The following CRAMP1 variants were observed in gnomAD, a reference collection of about 807,000 sequenced individuals.
The protein encoded by CRAMP1 is cramped chromatin regulator 1, also known as protein cramped-like.
Under a neutral mutation model 115.4 loss-of-function variants are expected in CRAMP1, and 50 were observed. The observed-to-expected ratio is 0.43, with a 90% CI of 0.35 to 0.55. The LOEUF is 0.55. CRAMP1 is among the 20% of genes least tolerant of loss of function. The probability of loss-of-function intolerance (pLI) is 0.01; values close to 1 mark genes in which losing one functional copy is unlikely to be tolerated. For missense variants in CRAMP1, 1,679 were observed against 1,721.7 expected, an observed-to-expected ratio of 0.98 and a Z score of 0.44; for synonymous variants, 866 against 745.4, an observed-to-expected ratio of 1.16 and a Z score of -2.64.
rs778428297 is a variant in CRAMP1 at position 1,656,553 on chromosome 16, T to C, written c.1796T>C (p.Val599Ala). 4 of 1,555,574 alleles carry C rather than the reference T, an allele frequency of 2.6e-6. No homozygotes were observed. In the South Asian group the frequency reaches 4.7e-5, roughly 18 times the overall value. ...PPLGGAASPEVLAPVSKEAAD... is the reference protein window; with the variant it reads ...PPLGGAASPEALAPVSKEAAD... ...CTGGGCGGGGCGGCCTCCCCAGAGG[T>C]GCTGGCTCCTGTCAGCAAGGAGGCT... The change falls in exon 10 of 21, where the codon GTG (valine) becomes GCG (alanine). Residue 599 changes from valine to alanine, a missense_variant. By Grantham distance (64) the Val-to-Ala change is moderately conservative. Coordinates refer to ENST00000397412, the MANE Select transcript of CRAMP1 (RefSeq NM_020825.4). The surrounding 1 kb of genome is among the most constrained non-coding windows in gnomAD (Gnocchi z 5.6).
At chr16:1,650,249 G>T (rs1247968322) in intron 6 of CRAMP1, among the ~76,000 whole-genome samples, 2 of 152,204 alleles carry the variant, frequency 1.3e-5, no homozygotes, top group South Asian at 4.1e-4. Flanking sequence ...GGAGATTGTG[G>T]TGTCACCCTT....
At position 1,659,981 on chromosome 16, in the gene CRAMP1, T is replaced by A; in HGVS notation, c.2331T>A (p.Ser777=). ...CAGGGAAGGTGGTGACCGTCAGCTC[T>A]CGCAGCCCCCGCTGCCCTCGGAACC... The part of the protein sequence containing the change: ...TPPGKVVTVS[S]RSPRCPRNQA... The change falls in exon 11 of 21, where the codon TCT becomes TCA. Residue 777 remains serine, a synonymous_variant. Transcript: ENST00000397412. The A allele has an allele frequency of 6.2e-7, 1 of 1,608,008 alleles. No individual in the cohort carries two copies.
chr16:1,666,331 G>T lies in CRAMP1; in HGVS notation c.2858-91G>T, dbSNP rs1406957168. On this transcript the variant is annotated intron_variant, in intron 15 of 20. Transcript: ENST00000397412. This position sits in a 1 kb window ranked among gnomAD's most constrained non-coding sequence, Gnocchi z 5.0. ...CCCTTGGCTCTTGCATTGACATGAG[G>T]TGCGAGGGAGAAGCTGTTCCCCGAG... is the stretch of plus-strand genomic sequence containing the variant. 1 of 1,300,120 alleles carries T rather than the reference G, an allele frequency of 7.7e-7. No individual in the cohort carries two copies. The highest frequency in any genetic ancestry group is 2.5e-5 in the East Asian group (1 of 39,768). The allele number at this position is 1,300,120 out of a possible 1,614,324, so 80.5% of individuals were successfully genotyped here. A position where few individuals can be genotyped will look rare whatever the true frequency, so the allele number is the denominator to read the frequency against.
At chr16:1,661,157 T>C (rs2036825951) in intron 11 of CRAMP1, among the ~76,000 whole-genome samples, 1 of 151,970 alleles carries the variant, frequency 6.6e-6, no homozygotes. Flanking sequence ...CTCTACAAAA[T>C]ATAAAAATAA....
At chr16:1,650,125 A>G (rs2036710779) in intron 6 of CRAMP1, among the ~76,000 whole-genome samples, 1 of 152,124 alleles carries the variant, frequency 6.6e-6, no homozygotes, top group South Asian at 2.1e-4. Context: ...TTAAAGCCTT[A>G]GGTTTTTGGG....
rs564773393 is a variant in CRAMP1 at position 1,670,652 on chromosome 16, T to G, written c.3500-12T>G. The G allele has an allele frequency of 3.7e-6, 6 of 1,613,572 alleles. No individual in the cohort carries two copies. The highest frequency in any genetic ancestry group is 5.1e-6 in the Non-Finnish European group (6 of 1,179,610). ...GGGTTCAGGGTGTTTTCCTCTGGCC[T>G]TTTCTCCGCAGCAAGCTTCATCTCC... On this transcript the variant is annotated splice_polypyrimidine_tract_variant and intron_variant, in intron 19 of 20. Coordinates refer to ENST00000397412, the MANE Select transcript of CRAMP1 (RefSeq NM_020825.4).
chr16:1,655,535 G>C (rs139756038), intron 9 of CRAMP1, among the ~76,000 whole-genome samples: 1 of 152,234 alleles, frequency 6.6e-6, no homozygotes, highest in Admixed American at 6.5e-5. Context: ...CACGATGTCA[G>C]TGGCCTGTGT....
chr16:1,618,691 G>A (rs1455327609), intron 2 of CRAMP1, among the ~76,000 whole-genome samples: 3 of 152,136 alleles, frequency 2.0e-5, no homozygotes, highest in Non-Finnish European at 2.9e-5. Flanking sequence ...TATAATCTGT[G>A]GACTGTTTGT....
chr16:1,623,373 G>A (rs949393279), intron 2 of CRAMP1, among the ~76,000 whole-genome samples: 5 of 152,150 alleles, frequency 3.3e-5, no homozygotes, highest in Non-Finnish European at 1.5e-5. Context: ...CTGAGAGCCC[G>A]TCCAGCTCAG....
intron 6 of CRAMP1, among the ~76,000 whole-genome samples, chr16:1,643,557 A>G (rs2036650050): frequency 6.6e-6 from 1 of 151,894 alleles, no homozygotes; most frequent in South Asian, 2.1e-4. Context: ...AGAAAAAAAA[A>G]AAAAACCCTC....
intron 14 of CRAMP1, 77 bp from the exon 15 acceptor site, chr16:1,665,996 G>GC: frequency 1.1e-6 from 1 of 918,926 alleles, no homozygotes; most frequent in South Asian, 1.4e-5. Flanking sequence ...TGTAAAGGAA[G>GC]CCCCCTGCGG....
intron 2 of CRAMP1, among the ~76,000 whole-genome samples, chr16:1,618,616 A>T (rs1269244533): frequency 6.6e-6 from 1 of 152,234 alleles, no homozygotes; most frequent in Non-Finnish European, 1.5e-5. Flanking sequence ...ATGTAGTCTG[A>T]AGTGACAGTC....
chr16:1,615,861 GA>G (rs958684956), intron 2 of CRAMP1, among the ~76,000 whole-genome samples: 4 of 151,442 alleles, frequency 2.6e-5, no homozygotes, highest in Admixed American at 1.3e-4. Context: ...AGTTTCACGT[GA>G]AAAAAAAATC....
At chr16:1,662,883 CCA>C (rs746169676) in intron 13 of CRAMP1, 48 bp downstream of exon 13, 2 of 1,467,586 alleles carry the variant, frequency 1.4e-6, no homozygotes, top group East Asian at 4.6e-5. Context: ...GCTGGGCCAA[CCA>C]GGACACAGGG....
rs1036670284 is a variant in CRAMP1, at chr16:1,676,162, G to A, written c.*2117G>A. The A allele has an allele frequency of 1.3e-5, 2 of 152,302 alleles. No homozygotes were observed. The highest frequency in any genetic ancestry group is 6.5e-5 in the Admixed American group (1 of 15,284). The allele number at this position is 152,302 out of a possible 1,614,324, so 9.4% of individuals were successfully genotyped here. ...CCTGTTAGCCCCTGACAACTCAGTG[G>A]GGTGAAGTTTTGGAGGTCAGAGTCT... On this transcript the variant is annotated 3_prime_UTR_variant, in exon 21 of 21. Transcript: ENST00000397412.
intron 11 of CRAMP1, 84 bp from the exon 12 acceptor site, chr16:1,662,406 A>C: frequency 8.7e-7 from 1 of 1,143,760 alleles, no homozygotes; most frequent in South Asian, 1.4e-5. Context: ...TGTCTTTCTG[A>C]CTTTCTTCCC....
chr16:1,637,242 C>T (rs867449637), intron 4 of CRAMP1, among the ~76,000 whole-genome samples: 10 of 151,448 alleles, frequency 6.6e-5, no homozygotes, highest in South Asian at 4.2e-4. Context: ...TGCGGTGAGC[C>T]GAGATCATGC....
Position 1,668,287 on chromosome 16 carries a change from G to A in CRAMP1, c.3334+94G>A. On this transcript the variant is annotated intron_variant, in intron 18 of 20. Transcript: ENST00000397412. ...CACTTCCTGGGGATATTCCAGTTTT[G>A]TGATTTTTACGAATTGAAAACCTGT... The A allele has an allele frequency of 6.9e-6, 7 of 1,014,872 alleles. No individual in the cohort carries two copies. The South Asian group carries it at 8.4e-5, about 12-fold the overall frequency. The allele number at this position is 1,014,872 out of a possible 1,614,324, so 62.9% of individuals were successfully genotyped here.
chr16:1,672,126 G>A lies in CRAMP1; in HGVS notation c.3645+1317G>A, dbSNP rs913007561. On this transcript the variant is annotated intron_variant, in intron 20 of 20. Coordinates refer to ENST00000397412, the MANE Select transcript of CRAMP1 (RefSeq NM_020825.4). The surrounding 1 kb of genome is among the most constrained non-coding windows in gnomAD (Gnocchi z 4.9). ...TCACGCCATGCTGTTGAAAGGACGG[G>A]CCACAGCCCAGTGACAGGAGCCCCT... is the stretch of plus-strand genomic sequence containing the variant. Among the ~76,000 whole-genome samples the A allele has an allele frequency of 1.3e-5, 2 of 152,224 alleles. No homozygotes were observed. The highest frequency in any genetic ancestry group is 4.8e-5 in the African/African-American group (2 of 41,452).
Sources: gnomAD v4.1 joint callset for allele counts (sites outside exome capture counted in the v4.1 genomes callset) on GRCh38, gnomAD v4.1.1 for gene constraint, Gnocchi (gnomAD v3.1) non-coding constraint, MANE v1.5 for transcripts, NCBI Gene and HGNC (gene_info 2026-07-23, HGNC 2026-07-21) for gene names.